The following NRXN1 variants were observed in gnomAD, a reference collection of about 807,000 sequenced individuals.
NRXN1 encodes neurexin-1.
In NRXN1, 39 loss-of-function variants were observed where a neutral mutation model predicts 150.9. The observed-to-expected ratio is 0.26, with a 90% CI of 0.20 to 0.34. The LOEUF is 0.34. Among genes scored for constraint, NRXN1 ranks in the 10% least tolerant of loss-of-function variants. The pLI is 1.00. For missense variants in NRXN1, 1,815 were observed against 1,949.9 expected (o/e 0.93, Z 1.30); for synonymous variants, 924 against 757.0 (o/e 1.22, Z -3.62).
rs1249019601 is a variant in NRXN1, at chr2:50,840,400, G to GT, written c.832+81468dup. Among the ~76,000 whole-genome samples, 3 of 152,088 alleles carry GT rather than the reference G, an allele frequency of 2.0e-5. No individual in the cohort carries two copies. In the East Asian group the frequency reaches 5.8e-4, roughly 29 times the overall value. On this transcript the variant is annotated intron_variant, in intron 5 of 22. Coordinates refer to ENST00000401669, the MANE Select transcript of NRXN1 (RefSeq NM_001330078.2). ...AACAATAACAATTTTCTCTCACTAT[G>GT]TAAGTTTTATTTAGTATCCCCCTTG...
At chr2:50,597,382 C>T (rs1675419104) in intron 8 of NRXN1, among the ~76,000 whole-genome samples, 1 of 152,188 alleles carries the variant, frequency 6.6e-6, no homozygotes. Context: ...CCCTCTCCAG[C>T]CATAAGGCCC....
chr2:50,153,010 CCAAT>C (rs916323176), intron 18 of NRXN1, among the ~76,000 whole-genome samples: 4 of 151,480 alleles, frequency 2.6e-5, no homozygotes, highest in Admixed American at 2.6e-4. Context: ...TTACTTTTCT[CCAAT>C]CATTTTTTAC....
intron 5 of NRXN1, among the ~76,000 whole-genome samples, chr2:50,644,807 A>AAT (rs1181826265): frequency 1.4e-5 from 2 of 144,478 alleles, no homozygotes; most frequent in African/African-American, 5.4e-5. Context: ...ATATATATAT[A>AAT]ATATATATGA....
intron 5 of NRXN1, among the ~76,000 whole-genome samples, chr2:50,717,944 G>T (rs1438429124): frequency 6.6e-6 from 1 of 152,160 alleles, no homozygotes; most frequent in African/African-American, 2.4e-5. Flanking sequence ...AATATACATT[G>T]AGGGTTAGGA....
intron 18 of NRXN1, among the ~76,000 whole-genome samples, chr2:50,120,694 A>G (rs1455924496): frequency 1.3e-5 from 2 of 152,180 alleles, no homozygotes; most frequent in South Asian, 2.1e-4. Context: ...GTCTCTATTT[A>G]TTAAATATTG....
intron 17 of NRXN1, among the ~76,000 whole-genome samples, chr2:50,299,640 G>C (rs1217097510): frequency 1.3e-5 from 2 of 151,952 alleles, no homozygotes; most frequent in African/African-American, 4.8e-5. Flanking sequence ...TCAAGCCCTT[G>C]TTTTGTCTGA....
chr2:50,538,175 G>A, intron 10 of NRXN1, 78 bp downstream of exon 10: 3 of 1,483,182 alleles, frequency 2.0e-6, no homozygotes, highest in African/African-American at 2.8e-5. Context: ...ACGTTTCAAT[G>A]GTCAGTGCAG....
In NRXN1 at chr2:50,347,184, G is replaced by T. The variant is rs752901753; in HGVS notation, c.3365-110214C>A. On this transcript the variant is annotated intron_variant, in intron 17 of 22. Transcript: ENST00000401669. The surrounding 1 kb of genome is among the most constrained non-coding windows in gnomAD (Gnocchi z 4.9). ...GCCGAGGCGAATGCAGCTGGAGAGG[G>T]GCTTGTCCGGAAAGGCAGCCCCGGG... 5.2e-6 allele frequency: 7 copies of T among 1,356,516 alleles called. No individual in the cohort carries two copies. The highest frequency in any genetic ancestry group is 5.8e-6 in the Non-Finnish European group (6 of 1,033,746). The allele number at this position is 1,356,516 out of a possible 1,614,324, so 84.0% of individuals were successfully genotyped here. A position where few individuals can be genotyped will look rare whatever the true frequency, so the allele number is the denominator to read the frequency against.
chr2:50,808,118 G>A (rs1235383836), intron 5 of NRXN1, among the ~76,000 whole-genome samples: 2 of 152,026 alleles, frequency 1.3e-5, no homozygotes, highest in Non-Finnish European at 2.9e-5. Context: ...GGCTGGTAAG[G>A]TAGTGTTTAG....
At chr2:50,048,445 T>C (rs571467704) in intron 21 of NRXN1, among the ~76,000 whole-genome samples, 58 of 152,276 alleles carry the variant, frequency 3.8e-4, no homozygotes, top group African/African-American at 1.3e-3. Context: ...TTAATTAATA[T>C]TTTTAATAAA....
intron 15 of NRXN1, among the ~76,000 whole-genome samples, chr2:50,488,877 A>G (rs1558818552): frequency 6.6e-6 from 1 of 152,292 alleles, no homozygotes; most frequent in African/African-American, 2.4e-5. Flanking sequence ...ACAACGCATC[A>G]CCACTCCTGG....
chr2:50,308,049 C>G (rs184621652), intron 17 of NRXN1, among the ~76,000 whole-genome samples: 1 of 152,118 alleles, frequency 6.6e-6, no homozygotes, highest in Non-Finnish European at 1.5e-5. Context: ...ATTAACATAA[C>G]CATCTAGTCA....
At chr2:51,016,429 A>T (rs574401413) in intron 2 of NRXN1, among the ~76,000 whole-genome samples, 1 of 152,304 alleles carries the variant, frequency 6.6e-6, no homozygotes, top group South Asian at 2.1e-4. Flanking sequence ...CAACCCCATC[A>T]AGAAGTGAGT....
At chr2:50,360,503 G>A (rs571312917) in intron 17 of NRXN1, among the ~76,000 whole-genome samples, 148 of 151,808 alleles carry the variant, frequency 9.7e-4, no homozygotes, top group African/African-American at 3.3e-3. Context: ...ACAAACATCA[G>A]AAAAGAGAAA....
At chr2:50,186,328 T>TC (rs1385050574) in intron 18 of NRXN1, among the ~76,000 whole-genome samples, 2 of 152,070 alleles carry the variant, frequency 1.3e-5, no homozygotes, top group Non-Finnish European at 2.9e-5. Flanking sequence ...CAAGAAGGGC[T>TC]CCCTAAAGCT....
At position 50,343,451 on chromosome 2, in the gene NRXN1, C is replaced by G. The variant is rs1996668; in HGVS notation, c.3365-106481G>C. On this transcript the variant is annotated intron_variant, in intron 17 of 22. Transcript: ENST00000401669. Reference sequence around the variant, plus strand: ...GTCATTTACAGTCACACAGTTCTCCCTCTATTTAACTAGAAAAAAAAAACA... The same window carrying G: ...GTCATTTACAGTCACACAGTTCTCCGTCTATTTAACTAGAAAAAAAAAACA... Among the ~76,000 whole-genome samples the G allele has an allele frequency of 3.7e-4, 55 of 149,254 alleles. No individual in the cohort carries two copies. The East Asian group carries it at 7.5e-3, about 20-fold the overall frequency.
At chr2:50,561,660 C>T (rs1396792592) in intron 8 of NRXN1, among the ~76,000 whole-genome samples, 2 of 152,106 alleles carry the variant, frequency 1.3e-5, no homozygotes, top group African/African-American at 4.8e-5. Flanking sequence ...TTTTTAGCAA[C>T]GTGACAGAAA....
At chr2:50,440,573 T>C (rs1218601825) in intron 17 of NRXN1, among the ~76,000 whole-genome samples, 1 of 152,012 alleles carries the variant, frequency 6.6e-6, no homozygotes, top group Non-Finnish European at 1.5e-5. Flanking sequence ...GAGGATAAGA[T>C]AGGAGGTGTA....
intron 5 of NRXN1, among the ~76,000 whole-genome samples, chr2:50,705,049 A>AACACACACAC (rs10679163): frequency 1.4e-5 from 2 of 145,830 alleles, no homozygotes; most frequent in South Asian, 4.3e-4. Context: ...CAGAAACACA[A>AACACACACAC]ACACACACAC....
Sources: gnomAD v4.1 joint callset for allele counts (sites outside exome capture counted in the v4.1 genomes callset) on GRCh38, gnomAD v4.1.1 for gene constraint, Gnocchi (gnomAD v3.1) non-coding constraint, MANE v1.5 for transcripts, NCBI Gene and HGNC (gene_info 2026-07-23, HGNC 2026-07-21) for gene names.